Variants in VWDE observed in about 807,000 individuals in gnomAD.
VWDE encodes von Willebrand factor D and EGF domains, also known as von Willebrand factor D and EGF domain-containing protein.
A neutral mutation model predicts 178.4 loss-of-function variants in VWDE; 207 were observed. The ratio of observed to expected loss-of-function variants is 1.16; its 90% CI spans 1.04 to 1.30. VWDE has a LOEUF of 1.30. Among genes scored for constraint, VWDE ranks in the 50% most tolerant of loss-of-function variants. The pLI is 0.00. For missense variants in VWDE, 2,287 were observed against 1,901.3 expected, an observed-to-expected ratio of 1.20 and a Z score of -3.77; for synonymous variants, 738 against 651.4, an observed-to-expected ratio of 1.13 and a Z score of -2.02.
chr7:12,344,065 T>A, intron 21 of VWDE, 130 bp downstream of exon 21: 1 of 603,786 alleles, frequency 1.7e-6, no homozygotes, highest in Non-Finnish European at 2.8e-6. Context: ...AAATGTAGAG[T>A]CCTATACCAG....
At chr7:12,386,420 C>T (rs1008833607) in intron 3 of VWDE, among the ~76,000 whole-genome samples, 3 of 152,180 alleles carry the variant, frequency 2.0e-5, no homozygotes, top group Non-Finnish European at 2.9e-5. Context: ...CTCACTCCCT[C>T]AGGATAATTC....
intron 2 of VWDE, among the ~76,000 whole-genome samples, chr7:12,392,188 A>G (rs1784418164): frequency 6.6e-6 from 1 of 152,214 alleles, no homozygotes; most frequent in Non-Finnish European, 1.5e-5. Flanking sequence ...CATCTTTATA[A>G]TGAAGTAACA....
chr7:12,336,788 T>C (rs934446828), intron 26 of VWDE, among the ~76,000 whole-genome samples, 200 bp downstream of exon 26: 4 of 152,196 alleles, frequency 2.6e-5, no homozygotes, highest in African/African-American at 9.7e-5. Flanking sequence ...AGATATCCTC[T>C]TCTGCTAACC....
chr7:12,357,559 G>C, intron 16 of VWDE, 44 bp from the exon 17 acceptor site: 1 of 1,541,100 alleles, frequency 6.5e-7, no homozygotes, highest in South Asian at 1.2e-5. Flanking sequence ...TGTAGAAAAA[G>C]GAATGAAGTG....
At chr7:12,333,410 G>A (rs1780840979) in intron 28 of VWDE, 55 bp downstream of exon 28, 1 of 1,053,604 alleles carries the variant, frequency 9.5e-7, no homozygotes, top group Non-Finnish European at 1.4e-6. Flanking sequence ...CTAAGTAGAA[G>A]AGATATGCAA....
Position 12,372,979 on chromosome 7 carries a change from T to C in VWDE, c.1585A>G (p.Thr529Ala). 6.4e-7 allele frequency: 1 copy of C among 1,550,850 alleles called. No homozygotes were observed. The highest frequency in any genetic ancestry group is 1.2e-5 in the South Asian group (1 of 83,966). The part of the protein sequence containing the change: ...ISESYLGRKV[T>A]IWFSSGAFIR... The stretch of plus-strand genomic sequence containing the variant: ...CAATGTTAAAGAATCATACATACTG[T>C]GACTTTTCTTCCTAAGTAAGATTCA... The change falls in exon 10 of 29, where the codon ACA becomes GCA. Residue 529 changes from threonine to alanine, a missense_variant and splice_region_variant. Transcript: ENST00000275358.
intron 19 of VWDE, among the ~76,000 whole-genome samples, chr7:12,348,045 C>G (rs1023877337): frequency 5.0e-4 from 76 of 152,268 alleles, no homozygotes; most frequent in Non-Finnish European, 8.5e-4. Flanking sequence ...AACTGGATCC[C>G]TTCCTTACAC....
chr7:12,377,111 G>T (rs1783572485), intron 7 of VWDE, among the ~76,000 whole-genome samples: 1 of 151,936 alleles, frequency 6.6e-6, no homozygotes, highest in Admixed American at 6.6e-5. Context: ...TCTACATCAG[G>T]GGCTCAGTGG....
At position 12,340,434 on chromosome 7, in the gene VWDE, G is replaced by A; in HGVS notation, c.4271-17C>T. 1.3e-6 allele frequency: 2 copies of A among 1,525,716 alleles called. No individual in the cohort carries two copies. The highest frequency in any genetic ancestry group is 1.4e-5 in the African/African-American group (1 of 72,064). The allele number at this position is 1,525,716 out of a possible 1,614,324, so 94.5% of individuals were successfully genotyped here. A position where few individuals can be genotyped will look rare whatever the true frequency, so the allele number is the denominator to read the frequency against. On this transcript the variant is annotated splice_polypyrimidine_tract_variant and intron_variant, in intron 23 of 28. Transcript: ENST00000275358. ...CGCACAAAGCTAATAAACAGCAGGA[G>A]GAAAAGAGAACATAAAAGTTTTATT...
In VWDE at chr7:12,389,329, G is replaced by C. The variant is rs1367069122; in HGVS notation, c.273C>G (p.Ile91Met). Residue 91 changes from isoleucine (I) to methionine (M), a missense_variant, in exon 3 of 29, where the codon ATC becomes ATG. By Grantham distance (10) the Ile-to-Met change is conservative. Transcript: ENST00000275358. ...TTTCTGAATCTCTCAGAGACAGCCA[G>C]ATGGGGGCCTGAGTTCCACAATGGT... ...EMNHCGTQAP[I>M]WLSLRDSETL... is the part of the protein sequence containing the mutation. The C allele has an allele frequency of 2.6e-6, 4 of 1,549,444 alleles. No homozygotes were observed. Among genetic ancestry groups the C allele is most frequent in the Admixed American group, 2.0e-5 (1 of 50,958 alleles).
intron 1 of VWDE, among the ~76,000 whole-genome samples, chr7:12,397,783 T>C (rs1380934891): frequency 1.3e-5 from 2 of 152,008 alleles, no homozygotes; most frequent in African/African-American, 2.4e-5. Flanking sequence ...AAAGATGACA[T>C]ACAAATGGCC....
Position 12,370,251 on chromosome 7 carries a change from T to C in VWDE, c.2055A>G (p.Thr685=). 1 of 1,551,262 alleles carries C rather than the reference T, an allele frequency of 6.4e-7. No homozygotes were observed. The highest frequency in any genetic ancestry group is 8.7e-7 in the Non-Finnish European group (1 of 1,146,870). Residue 685 remains threonine, a synonymous_variant, in exon 12 of 29, where the codon ACA becomes ACG. Coordinates refer to ENST00000275358, the MANE Select transcript of VWDE (RefSeq NM_001135924.3). ...AATTTAGATTATATTCTTCTGGAGA[T>C]GTATGCTTGTTTATCTCTCTGACAA... The part of the protein sequence containing the change: ...DTLVREINKH[T]SPEEYNLNLF...
At chr7:12,391,146 A>C (rs1331135676) in intron 2 of VWDE, among the ~76,000 whole-genome samples, 2 of 152,234 alleles carry the variant, frequency 1.3e-5, no homozygotes, top group South Asian at 2.1e-4. Flanking sequence ...GAACATTACG[A>C]AATATAAATA....
chr7:12,344,519 A>G, intron 19 of VWDE, 50 bp from the exon 20 acceptor site: 5 of 1,405,314 alleles, frequency 3.6e-6, no homozygotes, highest in Non-Finnish European at 4.9e-6. Context: ...CAGAACATAC[A>G]TATTGCTCAG....
At chr7:12,372,858 T>C (rs1012372854) in intron 10 of VWDE, 119 bp downstream of exon 10, 2 of 948,922 alleles carry the variant, frequency 2.1e-6, no homozygotes, top group South Asian at 1.7e-5. Flanking sequence ...ATGGTTAATA[T>C]AAATGCTATT....
intron 1 of VWDE, among the ~76,000 whole-genome samples, chr7:12,402,259 C>T (rs1274194714): frequency 1.3e-5 from 2 of 152,150 alleles, no homozygotes; most frequent in Admixed American, 1.3e-4. Context: ...TGTAAATATA[C>T]TCTGAATATA....
At chr7:12,391,838 A>G (rs1335384108) in intron 2 of VWDE, among the ~76,000 whole-genome samples, 1 of 152,204 alleles carries the variant, frequency 6.6e-6, no homozygotes, top group African/African-American at 2.4e-5. Context: ...TTTTGCTAAG[A>G]CATAATCTTA....
At chr7:12,354,546 A>T in intron 18 of VWDE, 1 of 278,972 alleles carries the variant, frequency 3.6e-6, no homozygotes, top group South Asian at 3.5e-5. Context: ...TCGTATGTCC[A>T]ATTGTCTTAT....
chr7:12,377,639 T>C (rs1783606978), intron 7 of VWDE, 137 bp downstream of exon 7: 2 of 469,132 alleles, frequency 4.3e-6, no homozygotes, highest in Non-Finnish European at 6.9e-6. Context: ...GTATTAGTAA[T>C]ATGATTGGGC....
Sources: gnomAD v4.1 joint callset for allele counts (sites outside exome capture counted in the v4.1 genomes callset) on GRCh38, gnomAD v4.1.1 for gene constraint, MANE v1.5 for transcripts, NCBI Gene and HGNC (gene_info 2026-07-23, HGNC 2026-07-21) for gene names.